Variants in CDH11 observed in about 807,000 individuals in gnomAD.
The protein encoded by CDH11 is cadherin-11.
CDH11 carries 11 observed loss-of-function variants against 67.8 expected under a neutral mutation model. The ratio of observed to expected loss-of-function variants is 0.16; its 90% CI spans 0.10 to 0.27. CDH11 has a LOEUF of 0.27. CDH11 is among the 10% of genes least tolerant of loss of function. The pLI is 1.00. For missense variants in CDH11, 847 were observed against 1,031.2 expected, an observed-to-expected ratio of 0.82 and a Z score of 2.45; for synonymous variants, 419 against 400.0, an observed-to-expected ratio of 1.05 and a Z score of -0.57.
intron 2 of CDH11, among the ~76,000 whole-genome samples, chr16:65,052,184 G>C (rs151166587): frequency 1.2e-4 from 18 of 152,150 alleles, no homozygotes; most frequent in African/African-American, 3.9e-4. Flanking sequence ...TGCTTAGTAA[G>C]TACTTACTAA....
intron 1 of CDH11, among the ~76,000 whole-genome samples, chr16:65,060,126 A>C (rs6498972): frequency 0.91 from 138,289 of 152,110 alleles, 62,937 homozygotes; most frequent in East Asian, 1. Context: ...TTTCTGCCTC[A>C]TGAAAGAGGA....
At chr16:65,052,249 A>G (rs889879282) in intron 2 of CDH11, among the ~76,000 whole-genome samples, 14 of 152,264 alleles carry the variant, frequency 9.2e-5, no homozygotes, top group East Asian at 1.9e-4. Context: ...GTGGTCCCAA[A>G]TAAGTCCTGT....
At chr16:64,964,540 T>C (rs1425577731) in intron 11 of CDH11, among the ~76,000 whole-genome samples, 1 of 151,408 alleles carries the variant, frequency 6.6e-6, no homozygotes, top group Non-Finnish European at 1.5e-5. Context: ...GACTTATTTA[T>C]TTATTTATTT....
chr16:64,960,232 A>G (rs980399661), intron 11 of CDH11, among the ~76,000 whole-genome samples: 2 of 152,152 alleles, frequency 1.3e-5, no homozygotes, highest in Non-Finnish European at 2.9e-5. Flanking sequence ...TCTGGCATCA[A>G]ATGATTTGTT....
Position 65,121,846 on chromosome 16 carries a change from CAGGCGAGAGGA to C in CDH11, c.-298+23_-298+33del, listed in dbSNP as rs2075337144. The C allele has an allele frequency of 1.4e-6, 1 of 701,998 alleles. No homozygotes were observed. 43.5% of individuals were successfully genotyped at this position (701,998 alleles called of 1,614,324 possible). The stretch of plus-strand genomic sequence containing the variant: ...GCCCCCCATTCCAAGAAGCCCCAAC[CAGGCGAGAGGA>C]AGGGACTGGCGGCGCACCTCACCTG... On this transcript the variant is annotated intron_variant, in intron 1 of 12. Coordinates refer to ENST00000268603, the MANE Select transcript of CDH11 (RefSeq NM_001797.4). This position sits in a 1 kb window ranked among gnomAD's most constrained non-coding sequence, Gnocchi z 4.1.
rs115068398 is a variant in CDH11, at chr16:64,957,937, G to A, written c.1643-6919C>T. Among the ~76,000 whole-genome samples, 475 of 151,836 alleles carry A rather than the reference G, an allele frequency of 3.1e-3. 3 individuals carry two copies. Among genetic ancestry groups the A allele is most frequent in the African/African-American group, 0.011 (454 of 41,142 alleles). ...TCATAGAACATTTTTAGAAGTTTGTGACAATACACTCCTGATGTTACTACT... is the reference window on the plus strand; with the variant it reads ...TCATAGAACATTTTTAGAAGTTTGTAACAATACACTCCTGATGTTACTACT... On this transcript the variant is annotated intron_variant, in intron 11 of 12. Transcript: ENST00000268603.
chr16:65,021,033 C>G (rs1442993163), intron 2 of CDH11, among the ~76,000 whole-genome samples: 2 of 152,066 alleles, frequency 1.3e-5, no homozygotes, highest in African/African-American at 2.4e-5. Flanking sequence ...AGCCCATCCC[C>G]CATTGAAGTC....
intron 1 of CDH11, among the ~76,000 whole-genome samples, chr16:65,097,833 G>C (rs989646174): frequency 4.6e-5 from 7 of 151,898 alleles, no homozygotes; most frequent in Non-Finnish European, 8.8e-5. Flanking sequence ...GAAAAGTTAA[G>C]ATAAAAAATT....
intron 1 of CDH11, among the ~76,000 whole-genome samples, chr16:65,097,711 C>G (rs1185246393): frequency 6.6e-6 from 1 of 152,168 alleles, no homozygotes; most frequent in Non-Finnish European, 1.5e-5. Context: ...TTAGGAAACA[C>G]ACCCCTGTAA....
chr16:64,986,348 A>T (rs2072487089), intron 7 of CDH11: 1 of 152,080 alleles, frequency 6.6e-6, no homozygotes, highest in Non-Finnish European at 1.5e-5. Context: ...ATTGGAGGCA[A>T]ATGTGCAAAT....
Position 64,954,902 on chromosome 16 carries a change from A to C in CDH11, c.1643-3884T>G, listed in dbSNP as rs951487058. On this transcript the variant is annotated intron_variant, in intron 11 of 12. Coordinates refer to ENST00000268603, the MANE Select transcript of CDH11 (RefSeq NM_001797.4). ...GCAGATGACTTGAGGCCAGGAGTTC[A>C]AGACCAGCCTGGCCAAAATAGTAAA... is the stretch of plus-strand genomic sequence containing the variant. Among the ~76,000 whole-genome samples, 4 of 151,428 alleles carry C rather than the reference A, an allele frequency of 2.6e-5. 1 individual carries two copies. The highest frequency in any genetic ancestry group is 9.7e-5 in the African/African-American group (4 of 41,184).
Position 64,981,106 on chromosome 16 carries a change from T to C in CDH11, c.1253+942A>G, listed in dbSNP as rs1354667678. 6.0e-3 allele frequency: 583 copies of C among 96,930 alleles called. 13 individuals carry two copies. Among genetic ancestry groups the C allele is most frequent in the African/African-American group, 0.011 (314 of 28,678 alleles). 6.0% of individuals were successfully genotyped at this position (96,930 alleles called of 1,614,324 possible). The stretch of plus-strand genomic sequence containing the variant: ...TTTTCTTTCTTTCTTTCTTTTTTTT[T>C]TTTTTTTTTTTTTTTTTGAGACAGG... On this transcript the variant is annotated intron_variant, in intron 8 of 12. Transcript: ENST00000268603.
chr16:64,955,941 A>G (rs2071497166), intron 11 of CDH11, among the ~76,000 whole-genome samples: 1 of 152,230 alleles, frequency 6.6e-6, no homozygotes, highest in African/African-American at 2.4e-5. Flanking sequence ...GGACATATGC[A>G]TTACCAAGGT....
chr16:65,077,917 C>G (rs957311262), intron 1 of CDH11, among the ~76,000 whole-genome samples: 18 of 152,288 alleles, frequency 1.2e-4, no homozygotes, highest in African/African-American at 4.1e-4. Context: ...TTTGTAGGCT[C>G]TCTGTGTCTT....
chr16:65,054,844 C>G (rs1334665538), intron 1 of CDH11, among the ~76,000 whole-genome samples: 1 of 152,170 alleles, frequency 6.6e-6, no homozygotes, highest in Non-Finnish European at 1.5e-5. Context: ...TTTGACTTGA[C>G]TTCATTTCTT....
At chr16:64,970,393 C>T (rs891361116) in intron 11 of CDH11, among the ~76,000 whole-genome samples, 1 of 152,136 alleles carries the variant, frequency 6.6e-6, no homozygotes, top group African/African-American at 2.4e-5. Context: ...TAGCATCTGG[C>T]CTCTGAGAGC....
At chr16:65,014,071 T>A (rs2073242036) in intron 2 of CDH11, among the ~76,000 whole-genome samples, 1 of 152,174 alleles carries the variant, frequency 6.6e-6, no homozygotes, top group Non-Finnish European at 1.5e-5. Flanking sequence ...TCAACAAGAA[T>A]GCGTAAATAC....
At chr16:65,106,962 T>C (rs970118705) in intron 1 of CDH11, among the ~76,000 whole-genome samples, 20 of 152,006 alleles carry the variant, frequency 1.3e-4, no homozygotes, top group Admixed American at 1.3e-3. Flanking sequence ...TGGGAAAAGG[T>C]TTCTGGATCT....
At chr16:64,989,462 T>A (rs949499464) in intron 6 of CDH11, among the ~76,000 whole-genome samples, 1 of 152,152 alleles carries the variant, frequency 6.6e-6, no homozygotes, top group African/African-American at 2.4e-5. Flanking sequence ...AAAAGGAATC[T>A]AAAATGACTG....
Sources: allele counts gnomAD v4.1 joint callset (sites outside exome capture counted in the v4.1 genomes callset), GRCh38; gene constraint gnomAD v4.1.1; non-coding constraint Gnocchi (gnomAD v3.1); transcripts MANE v1.5; gene names NCBI Gene and HGNC (gene_info 2026-07-23, HGNC 2026-07-21).